Variants in C11orf65 observed in about 807,000 individuals in gnomAD.
C11orf65 encodes the protein protein MFI.
A neutral mutation model predicts 35.3 loss-of-function variants in C11orf65; 38 were observed. The observed-to-expected ratio is 1.08, with a 90% CI of 0.83 to 1.41. The LOEUF (loss-of-function observed/expected upper bound fraction) is 1.41, where lower values mean the gene tolerates loss of function less well. Among genes scored for constraint, C11orf65 ranks in the 40% most tolerant of loss-of-function variants. C11orf65 has a pLI of 0.00. For synonymous variants in C11orf65, 105 were observed against 114.4 expected, an observed-to-expected ratio of 0.92 and a Z score of 0.53; for missense variants, 370 against 367.1, an observed-to-expected ratio of 1.01 and a Z score of -0.06.
chr11:108,335,700 A>C, intron 2 of C11orf65: 1 of 670,688 alleles, frequency 1.5e-6, no homozygotes, highest in Non-Finnish European at 2.7e-6. Context: ...AAAGAATGGC[A>C]GTAGGTATTT....
chr11:108,325,253 T>G (rs2085532483), intron 6 of C11orf65: 8 of 944,104 alleles, frequency 8.5e-6, no homozygotes, highest in South Asian at 7.8e-5. Context: ...TACATAGTTT[T>G]TTTTTTTTTT....
chr11:108,452,248 T>A (rs2093357961), intron 2 of C11orf65, among the ~76,000 whole-genome samples: 1 of 152,054 alleles, frequency 6.6e-6, no homozygotes, highest in African/African-American at 2.4e-5. Flanking sequence ...ATTTTTCCAA[T>A]CTACCCATAT....
At chr11:108,453,241 T>C (rs1253023630) in intron 2 of C11orf65, among the ~76,000 whole-genome samples, 6 of 144,688 alleles carry the variant, frequency 4.1e-5, no homozygotes, top group Non-Finnish European at 9.2e-5. Flanking sequence ...GCATCTTTAA[T>C]CAATCAAAAT....
At chr11:108,379,392 C>T (rs576952717), downstream of C11orf65, among the ~76,000 whole-genome samples, 25 of 149,184 alleles carry the variant, frequency 1.7e-4, no homozygotes, top group Non-Finnish European at 3.0e-4. Flanking sequence ...AACCAAACAC[C>T]GCATATTCTC....
Position 108,310,168 on chromosome 11 carries a change from C to A in C11orf65, c.641-1097G>T, listed in dbSNP as rs876658831. The A allele has an allele frequency of 1.2e-6, 2 of 1,613,236 alleles. No individual in the cohort carries two copies. The highest frequency in any genetic ancestry group is 1.7e-6 in the Non-Finnish European group (2 of 1,179,594). ...ATCTCATTTTTCTTTAGACCTTCTT[C>A]AGGAACAATTTTTAATGATGCTTTC... On this transcript the variant is annotated intron_variant, in intron 6 of 6. Coordinates refer to the C11orf65 transcript ENST00000525729.
upstream of C11orf65, among the ~76,000 whole-genome samples, chr11:108,468,772 A>G (rs2093561230): frequency 6.6e-6 from 1 of 152,154 alleles, no homozygotes; most frequent in African/African-American, 2.4e-5. Flanking sequence ...AACATTATGT[A>G]TATCTTAATT....
intron 2 of C11orf65, among the ~76,000 whole-genome samples, chr11:108,374,056 A>G (rs2091647088): frequency 6.6e-6 from 1 of 152,158 alleles, no homozygotes; most frequent in Non-Finnish European, 1.5e-5. Flanking sequence ...CCACAGCTCA[A>G]GGAGGCCTGC....
intron 6 of C11orf65, 61 bp from the exon 7 acceptor site, chr11:108,393,439 C>T (rs1591450813): frequency 2.1e-6 from 3 of 1,430,596 alleles, no homozygotes; most frequent in East Asian, 4.6e-5. Flanking sequence ...CAAGTAGATA[C>T]AGGCAATATA....
chr11:108,439,338 T>C lies in C11orf65; in HGVS notation c.82-7500A>G, dbSNP rs182042780. On this transcript the variant is annotated intron_variant, in intron 2 of 8. Coordinates refer to ENST00000393084, the MANE Select transcript of C11orf65 (RefSeq NM_152587.5). ...CCAAAAAACTTGAAAATAGCAAGTA[T>C]TGGCAAGGATATAGAGCAACTGGAA... is the stretch of plus-strand genomic sequence containing the variant. Among the ~76,000 whole-genome samples the C allele has an allele frequency of 3.5e-3, 528 of 152,290 alleles. 2 individuals carry two copies. The highest frequency in any genetic ancestry group is 0.012 in the African/African-American group (503 of 41,564).
chr11:108,401,736 TAAC>T (rs1364321306), intron 6 of C11orf65, among the ~76,000 whole-genome samples: 8 of 152,126 alleles, frequency 5.3e-5, no homozygotes, highest in African/African-American at 1.9e-4. Context: ...ACACCTAAAA[TAAC>T]AAATATCCTC....
chr11:108,430,537 C>T (rs971131038), intron 3 of C11orf65, among the ~76,000 whole-genome samples: 10 of 151,716 alleles, frequency 6.6e-5, no homozygotes, highest in African/African-American at 2.2e-4. Flanking sequence ...TAAAAAAATA[C>T]AAAGAACTGA....
intron 2 of C11orf65, chr11:108,347,152 A>ACCAAGTC: frequency 2.6e-6 from 2 of 775,336 alleles, no homozygotes; most frequent in East Asian, 5.2e-5. Flanking sequence ...CACATCATTT[A>ACCAAGTC]AGTAGGCTAA....
At chr11:108,341,982 C>T (rs2136902961) in intron 2 of C11orf65, among the ~76,000 whole-genome samples, 1 of 152,300 alleles carries the variant, frequency 6.6e-6, no homozygotes, top group Admixed American at 6.5e-5. Flanking sequence ...TACCCTAGAG[C>T]AGACTTGTCC....
At chr11:108,412,532 A>G (rs951419609) in intron 3 of C11orf65, among the ~76,000 whole-genome samples, 1 of 152,144 alleles carries the variant, frequency 6.6e-6, no homozygotes, top group African/African-American at 2.4e-5. Flanking sequence ...GAAAAGAACA[A>G]AGACGAACCT....
At chr11:108,390,002 T>A (rs549828212) in intron 7 of C11orf65, among the ~76,000 whole-genome samples, 58 of 143,804 alleles carry the variant, frequency 4.0e-4, no homozygotes, top group African/African-American at 1.3e-3. Context: ...CTGGTTTTTT[T>A]TTTATTTATT....
chr11:108,463,490 C>T (rs974494367), intron 1 of C11orf65, among the ~76,000 whole-genome samples: 2 of 152,058 alleles, frequency 1.3e-5, no homozygotes, highest in African/African-American at 4.8e-5. Context: ...TACAAATAGC[C>T]TTATTAATAT....
chr11:108,454,229 T>C (rs1279142030), intron 2 of C11orf65, among the ~76,000 whole-genome samples: 1 of 152,134 alleles, frequency 6.6e-6, no homozygotes, highest in Admixed American at 6.5e-5. Context: ...TAGTTTCTTA[T>C]TATCTTTTGT....
chr11:108,419,828 T>C (rs1187947448), intron 3 of C11orf65, among the ~76,000 whole-genome samples: 5 of 152,232 alleles, frequency 3.3e-5, no homozygotes, highest in African/African-American at 4.8e-5. Context: ...TGATGAAATA[T>C]TGATCCTTTC....
At chr11:108,321,643 TATG>T (rs1376529727) in intron 6 of C11orf65, among the ~76,000 whole-genome samples, 1 of 151,832 alleles carries the variant, frequency 6.6e-6, no homozygotes, top group African/African-American at 2.4e-5. Flanking sequence ...ATTAGCCAGG[TATG>T]GTGGTGGGCG....
Sources: gnomAD v4.1 joint callset for allele counts (sites outside exome capture counted in the v4.1 genomes callset) on GRCh38, gnomAD v4.1.1 for gene constraint, MANE v1.5 for transcripts, NCBI Gene and HGNC (gene_info 2026-07-23, HGNC 2026-07-21) for gene names.